Variants in TFRC observed in about 807,000 individuals in gnomAD.
The protein encoded by TFRC is transferrin receptor.
In TFRC, 35 loss-of-function variants were observed where a neutral mutation model predicts 85.8. That is an observed-to-expected ratio of 0.41 (90% CI 0.31 to 0.54). The LOEUF (loss-of-function observed/expected upper bound fraction) is 0.54, where lower values mean the gene tolerates loss of function less well. Ranked by LOEUF, TFRC falls within the 20% of genes least tolerant of loss-of-function variation. TFRC has a pLI of 0.31. For synonymous variants in TFRC, 362 were observed against 328.6 expected (o/e 1.10, Z -1.10); for missense variants, 828 against 921.5 (o/e 0.90, Z 1.31).
At chr3:196,073,449 T>C (rs1448741887) in intron 4 of TFRC, among the ~76,000 whole-genome samples, 1 of 152,066 alleles carries the variant, frequency 6.6e-6, no homozygotes, top group African/African-American at 2.4e-5. Flanking sequence ...GGATACTGAC[T>C]GGCCTAGGGG....
At chr3:196,080,386 G>A (rs1437286473) in intron 1 of TFRC, among the ~76,000 whole-genome samples, 1 of 152,224 alleles carries the variant, frequency 6.6e-6, no homozygotes, top group South Asian at 2.1e-4. Context: ...TTACAGACGT[G>A]AGCCACCATG....
intron 18 of TFRC, 107 bp from the exon 19 acceptor site, chr3:196,052,291 A>ATTT: frequency 1.1e-6 from 1 of 883,450 alleles, no homozygotes; most frequent in Non-Finnish European, 1.6e-6. Flanking sequence ...TGCCGATCAG[A>ATTT]CTTTTTTTTT....
intron 6 of TFRC, 164 bp from the exon 7 acceptor site, chr3:196,069,732 C>T: frequency 1.9e-6 from 1 of 525,604 alleles, no homozygotes; most frequent in Non-Finnish European, 3.4e-6. Context: ...AACTTTACAA[C>T]TTTTAGGTCA....
intron 13 of TFRC, among the ~76,000 whole-genome samples, chr3:196,060,797 CAAAAAAAAAAA>C (rs1173946134): frequency 5.7e-4 from 21 of 36,944 alleles, no homozygotes; most frequent in Non-Finnish European, 6.8e-4. Context: ...GACTCCATCT[CAAAAAAAAAAA>C]AAAAAAAAAA....
rs934508290 is a variant in TFRC, at chr3:196,070,730, A to G, written c.687+666T>C. ...GAATCACCTGAGCCCAGGAGTTTCA[A>G]TTGAAGACCAGCCTGGCCAACATGG... is the stretch of plus-strand genomic sequence containing the variant. On this transcript the variant is annotated intron_variant, in intron 6 of 18. Transcript: ENST00000360110. 5.3e-5 allele frequency among the ~76,000 whole-genome samples: 8 copies of G among 150,134 alleles called. No individual in the cohort carries two copies. In the South Asian group the frequency reaches 1.5e-3, roughly 27 times the overall value.
At chr3:196,074,880 A>C (rs1429929145) in intron 3 of TFRC, among the ~76,000 whole-genome samples, 2 of 125,072 alleles carry the variant, frequency 1.6e-5, no homozygotes, top group Non-Finnish European at 3.4e-5. Context: ...CTCCAACTCA[A>C]AAAAAAAAAA....
intron 14 of TFRC, among the ~76,000 whole-genome samples, chr3:196,059,903 G>T (rs1442239520): frequency 6.6e-6 from 1 of 151,988 alleles, no homozygotes; most frequent in African/African-American, 2.4e-5. Flanking sequence ...CCTTAGCATT[G>T]TGACTCTATA....
In TFRC at chr3:196,077,124, T is replaced by C; in HGVS notation, c.-23-2A>G. The stretch of plus-strand genomic sequence containing the variant: ...TTCTGAACTGCCACACAGAAGAACC[T>C]AGGTATCAGAATAGAGAATTATTGA... On this transcript the variant is annotated splice_acceptor_variant, in intron 1 of 18. Transcript: ENST00000360110. LOFTEE classifies it low-confidence loss of function (5UTR_SPLICE). 1 of 1,610,390 alleles carries C rather than the reference T, an allele frequency of 6.2e-7. No homozygotes were observed. Among genetic ancestry groups the C allele is most frequent in the Non-Finnish European group, 8.5e-7 (1 of 1,177,042 alleles).
intron 13 of TFRC, among the ~76,000 whole-genome samples, chr3:196,062,012 G>A (rs1180633125): frequency 3.3e-5 from 5 of 152,138 alleles, no homozygotes; most frequent in African/African-American, 9.7e-5. Context: ...GCCTGTAACC[G>A]CAGCATTTTG....
At chr3:196,068,819 T>C (rs1388744119) in intron 7 of TFRC, among the ~76,000 whole-genome samples, 1 of 148,144 alleles carries the variant, frequency 6.8e-6, no homozygotes, top group African/African-American at 2.5e-5. Context: ...TAATCCCAGC[T>C]ACTCAGAAGG....
At chr3:196,057,431 G>GA (rs1046936203) in intron 16 of TFRC, among the ~76,000 whole-genome samples, 5 of 152,108 alleles carry the variant, frequency 3.3e-5, no homozygotes, top group Admixed American at 2.0e-4. Flanking sequence ...CTCACTCGGG[G>GA]AGCTCAGTTT....
At position 196,050,745 on chromosome 3, in the gene TFRC, C is replaced by A. The variant is rs1716245948; in HGVS notation, c.*1197G>T. 4.9e-6 allele frequency: 1 copy of A among 204,684 alleles called. No homozygotes were observed. The highest frequency in any genetic ancestry group is 2.3e-5 in the African/African-American group (1 of 43,804). 12.7% of individuals were successfully genotyped at this position (204,684 alleles called of 1,614,324 possible). A position where few individuals can be genotyped will look rare whatever the true frequency, so the allele number is the denominator to read the frequency against. On this transcript the variant is annotated 3_prime_UTR_variant, in exon 19 of 19. Transcript: ENST00000360110. The stretch of plus-strand genomic sequence containing the variant: ...TGATTTATAACTTGGTCACAATTCA[C>A]TGCATTTAGGAAAACCAGCATTCTT...
At chr3:196,075,886 G>A (rs183266456) in intron 2 of TFRC, among the ~76,000 whole-genome samples, 8 of 151,664 alleles carry the variant, frequency 5.3e-5, no homozygotes, top group Non-Finnish European at 1.2e-4. Flanking sequence ...AGCACTCTGG[G>A]GGGGGCCGAG....
intron 4 of TFRC, among the ~76,000 whole-genome samples, 175 bp downstream of exon 4, chr3:196,073,755 C>G (rs554418134): frequency 7.4e-4 from 112 of 152,204 alleles, no homozygotes; most frequent in African/African-American, 2.6e-3. Context: ...CTACCTTTTC[C>G]CCTACCAGTA....
At chr3:196,055,632 G>GA (rs1183003342) in intron 16 of TFRC, 2 of 354,040 alleles carry the variant, frequency 5.6e-6, no homozygotes, top group South Asian at 2.9e-5. Flanking sequence ...CTTTATCAAT[G>GA]AAAAAAGAGA....
Position 196,074,008 on chromosome 3 carries a change from G to A in TFRC, c.356C>T (p.Ala119Val). The change falls in exon 4 of 19, where the codon GCA (alanine) becomes GTA (valine). Residue 119 changes from alanine (A) to valine (V), a missense_variant. Ala to Val is a moderately conservative substitution (Grantham distance 64). Coordinates refer to ENST00000360110, the MANE Select transcript of TFRC (RefSeq NM_001128148.3). ...CAGGTCATCCCAATATAAGCGACGT[G>A]CTGCAGGGAAGTCCTCTCCTGGCTC... is the stretch of plus-strand genomic sequence containing the variant. The part of the protein sequence containing the change: ...REEPGEDFPA[A>V]RRLYWDDLKR... 1 of 1,614,154 alleles carries A rather than the reference G, an allele frequency of 6.2e-7. No individual in the cohort carries two copies. The highest frequency in any genetic ancestry group is 8.5e-7 in the Non-Finnish European group (1 of 1,180,028).
At chr3:196,052,295 T>A in intron 18 of TFRC, 111 bp from the exon 19 acceptor site, 56 of 270,052 alleles carry the variant, frequency 2.1e-4, no homozygotes, top group South Asian at 2.9e-4. Flanking sequence ...GATCAGACTT[T>A]TTTTTTTTTT....
intron 7 of TFRC, among the ~76,000 whole-genome samples, chr3:196,068,610 C>CAAAAAAA (rs55807772): frequency 9.6e-5 from 4 of 41,828 alleles, no homozygotes; most frequent in Admixed American, 4.1e-4. Context: ...AACTCCCTCT[C>CAAAAAAA]AAAAAAAAAA....
intron 3 of TFRC, 35 bp from the exon 4 acceptor site, chr3:196,074,160 T>C: frequency 6.4e-7 from 1 of 1,565,778 alleles, no homozygotes; most frequent in Non-Finnish European, 8.7e-7. Flanking sequence ...GAACTCAGAA[T>C]TTCATTTGTA....
Sources: gnomAD v4.1 joint callset for allele counts (sites outside exome capture counted in the v4.1 genomes callset) on GRCh38, gnomAD v4.1.1 for gene constraint, MANE v1.5 for transcripts, NCBI Gene and HGNC (gene_info 2026-07-23, HGNC 2026-07-21) for gene names.